The following ZNF106 variants were observed in gnomAD, a reference collection of about 807,000 sequenced individuals.
ZNF106 encodes the protein zinc finger protein 106, also known as SH3-domain binding protein 3.
ZNF106 carries 67 observed loss-of-function variants against 195.1 expected under a neutral mutation model. The observed-to-expected ratio is 0.34, with a 90% confidence interval of 0.28 to 0.42. ZNF106 has a LOEUF of 0.42. Among genes scored for constraint, ZNF106 ranks in the 10% least tolerant of loss-of-function variants. ZNF106 has a pLI of 1.00. For synonymous variants in ZNF106, 784 were observed against 818.6 expected (o/e 0.96, Z 0.72); for missense variants, 2,118 against 2,304.5 (o/e 0.92, Z 1.66).
intron 1 of ZNF106, among the ~76,000 whole-genome samples, chr15:42,489,076 T>C (rs1225821772): frequency 9.2e-6 from 1 of 108,902 alleles, no homozygotes; most frequent in African/African-American, 3.5e-5. Context: ...AGGCTCTCTC[T>C]AAAAAAAAAA....
chr15:42,417,749 C>G, intron 21 of ZNF106, 56 bp downstream of exon 21: 1 of 1,540,254 alleles, frequency 6.5e-7, no homozygotes. Context: ...GTTTGCTAGC[C>G]CCTGCTCTGA....
intron 4 of ZNF106, among the ~76,000 whole-genome samples, chr15:42,455,648 C>A (rs2141373850): frequency 6.6e-6 from 1 of 152,284 alleles, no homozygotes; most frequent in African/African-American, 2.4e-5. Context: ...CCTCATGCAC[C>A]AGGACAATAG....
chr15:42,446,985 G>A (rs1243290840), intron 6 of ZNF106, among the ~76,000 whole-genome samples: 1 of 152,200 alleles, frequency 6.6e-6, no homozygotes, highest in Non-Finnish European at 1.5e-5. Context: ...AAATATATCT[G>A]ATTTATAACT....
Position 42,472,283 on chromosome 15 carries a change from G to C in ZNF106, c.7C>G (p.Arg3Gly). 1.3e-6 allele frequency: 2 copies of C among 1,535,106 alleles called. No homozygotes were observed. The highest frequency in any genetic ancestry group is 1.2e-5 in the South Asian group (1 of 83,904). The change falls in exon 2 of 22, where the codon CGA (arginine) becomes GGA (glycine). Residue 3 changes from arginine (R) to glycine (G), a missense_variant. Coordinates refer to ENST00000564754, the MANE Select transcript of ZNF106 (RefSeq NM_001366845.3). ...TGGCATAATATGCATTTTCGTTCTC[G>C]TACCATAGTGACCAGATCTGAAGCA... The part of the protein sequence containing the change: MV[R>G]ERKCILCHIV...
rs1268329289 is a variant in ZNF106 at position 42,444,826 on chromosome 15, CCTG to C, written c.3358_3360del (p.Gln1120del). On this transcript the variant is annotated inframe_deletion and splice_region_variant, in exon 8 of 22. Coordinates refer to ENST00000564754, the MANE Select transcript of ZNF106 (RefSeq NM_001366845.3). The stretch of plus-strand genomic sequence containing the variant: ...TTATTAAATCCTCCACATGCTGTTA[CCTG>C]CTGCTTGAGCATAAGTAGCCTCTGA... 6.2e-7 allele frequency: 1 copy of C among 1,613,180 alleles called. No individual in the cohort carries two copies. The highest frequency in any genetic ancestry group is 1.1e-5 in the South Asian group (1 of 90,888).
At chr15:42,476,133 C>T (rs753964154) in intron 1 of ZNF106, among the ~76,000 whole-genome samples, 2 of 152,118 alleles carry the variant, frequency 1.3e-5, no homozygotes, top group Non-Finnish European at 2.9e-5. Flanking sequence ...ATTAAGAATA[C>T]TCATTTTCAT....
chr15:42,449,630 G>T, intron 5 of ZNF106, 141 bp downstream of exon 5: 1 of 1,166,468 alleles, frequency 8.6e-7, no homozygotes, highest in Non-Finnish European at 1.2e-6. Flanking sequence ...GTCACTATTT[G>T]ATATTAAATC....
intron 2 of ZNF106, among the ~76,000 whole-genome samples, chr15:42,471,191 C>T (rs139956330): frequency 6.6e-6 from 1 of 152,184 alleles, no homozygotes; most frequent in Non-Finnish European, 1.5e-5. Flanking sequence ...ATCTCTTCCT[C>T]GTTTCTCTTA....
At chr15:42,430,211 C>T (rs2055002178) in intron 14 of ZNF106, among the ~76,000 whole-genome samples, 1 of 152,042 alleles carries the variant, frequency 6.6e-6, no homozygotes, top group Non-Finnish European at 1.5e-5. Flanking sequence ...ACCCTTAATA[C>T]TGAAAAGCCT....
Position 42,479,300 on chromosome 15 carries a change from G to A in ZNF106, c.-32-6979C>T, listed in dbSNP as rs144712926. ...GAGGCAGGAGAATCGCTTGAACCCA[G>A]GAGGCAGAGGTTGCGGTGAGCTGAG... On this transcript the variant is annotated intron_variant, in intron 1 of 21. Transcript: ENST00000564754. Among the ~76,000 whole-genome samples the A allele has an allele frequency of 2.8e-3, 429 of 152,150 alleles. 1 individual carries two copies. Among genetic ancestry groups the A allele is most frequent in the African/African-American group, 9.8e-3 (406 of 41,504 alleles).
At chr15:42,484,696 C>T (rs2056971191) in intron 1 of ZNF106, among the ~76,000 whole-genome samples, 1 of 152,086 alleles carries the variant, frequency 6.6e-6, no homozygotes, top group Admixed American at 6.5e-5. Flanking sequence ...CAAGATCATG[C>T]CACTGTACTC....
chr15:42,426,414 G>A lies in ZNF106; in HGVS notation c.4999-1389C>T, dbSNP rs923700501. Among the ~76,000 whole-genome samples the A allele has an allele frequency of 2.6e-5, 4 of 151,072 alleles. No homozygotes were observed. In the South Asian group the frequency reaches 8.4e-4, roughly 32 times the overall value. ...CTACTACTTAAAAAAAAAAAAAAGA[G>A]AGAGAGACAGGGTCTCACTCTGTCA... On this transcript the variant is annotated intron_variant, in intron 15 of 21. Transcript: ENST00000564754.
chr15:42,451,164 G>A lies in ZNF106; in HGVS notation c.1108C>T (p.Arg370Cys), dbSNP rs201999471. Residue 370 changes from arginine (R) to cysteine (C), a missense_variant, in exon 5 of 22, where the codon CGT (arginine) becomes TGT (cysteine). Coordinates refer to ENST00000564754, the MANE Select transcript of ZNF106 (RefSeq NM_001366845.3). ...KNGSAAREKP[R>C]RWTPYPSQKT... The stretch of plus-strand genomic sequence containing the variant: ...TGAGAAGGGTAAGGCGTCCAGCGAC[G>A]AGGCTTTTCCCTTGCCGCACTGCCA... 23 of 1,614,166 alleles carry A rather than the reference G, an allele frequency of 1.4e-5. No homozygotes were observed. Among genetic ancestry groups the A allele is most frequent in the Admixed American group, 1.7e-5 (1 of 60,010 alleles).
chr15:42,469,365 C>CA (rs1459489883), intron 2 of ZNF106, among the ~76,000 whole-genome samples: 1 of 151,996 alleles, frequency 6.6e-6, no homozygotes, highest in Admixed American at 6.6e-5. Flanking sequence ...GTTTGTCTGA[C>CA]AAAAAAACTG....
At chr15:42,437,059 A>AATT (rs1311230208) in intron 13 of ZNF106, among the ~76,000 whole-genome samples, 173 bp downstream of exon 13, 2 of 152,202 alleles carry the variant, frequency 1.3e-5, no homozygotes, top group African/African-American at 4.8e-5. Context: ...GACAAAAAGA[A>AATT]ATTAAGTCCC....
At chr15:42,452,771 T>C (rs2141365883) in intron 4 of ZNF106, among the ~76,000 whole-genome samples, 1 of 148,338 alleles carries the variant, frequency 6.7e-6, no homozygotes, top group Admixed American at 6.8e-5. Flanking sequence ...CTGCAACCTC[T>C]GTCTCCCAGG....
chr15:42,426,150 G>A (rs373070971), intron 15 of ZNF106, among the ~76,000 whole-genome samples: 2 of 152,116 alleles, frequency 1.3e-5, no homozygotes, highest in South Asian at 2.1e-4. Context: ...ACCGGCCCTG[G>A]TAAACAGTCC....
intron 4 of ZNF106, among the ~76,000 whole-genome samples, chr15:42,453,256 T>C (rs1373220945): frequency 6.6e-6 from 1 of 152,092 alleles, no homozygotes; most frequent in Non-Finnish European, 1.5e-5. Flanking sequence ...AGGAGGAAAA[T>C]AGCATATACC....
chr15:42,463,967 A>G (rs1408426865), intron 3 of ZNF106, among the ~76,000 whole-genome samples: 2 of 152,228 alleles, frequency 1.3e-5, no homozygotes, highest in African/African-American at 2.4e-5. Flanking sequence ...TTAATAACAC[A>G]TTAATTTGCC....
Sources: allele counts gnomAD v4.1 joint callset (sites outside exome capture counted in the v4.1 genomes callset), GRCh38; gene constraint gnomAD v4.1.1; transcripts MANE v1.5; gene names NCBI Gene and HGNC (gene_info 2026-07-23, HGNC 2026-07-21).